Variants in GCSH observed in about 807,000 individuals in gnomAD.
GCSH encodes glycine cleavage system protein H.
GCSH carries 15 observed loss-of-function variants against 21.3 expected under a neutral mutation model. The ratio of observed to expected loss-of-function variants is 0.70; its 90% CI spans 0.47 to 1.08. The LOEUF is 1.08. Among genes scored for constraint, GCSH ranks in the 50% least tolerant of loss-of-function variants. The probability of loss-of-function intolerance (pLI) is 0.00; values close to 1 mark genes in which losing one functional copy is unlikely to be tolerated. For missense variants in GCSH, 179 were observed against 217.5 expected, an observed-to-expected ratio of 0.82 and a Z score of 1.11; for synonymous variants, 59 against 84.5, an observed-to-expected ratio of 0.70 and a Z score of 1.66.
At chr16:81,093,397 G>C (rs754954686) in intron 1 of GCSH, among the ~76,000 whole-genome samples, 3 of 152,140 alleles carry the variant, frequency 2.0e-5, no homozygotes, top group Non-Finnish European at 4.4e-5. Context: ...TAAGGCTGCT[G>C]TGACCCTCAT....
At chr16:81,095,615 C>G (rs1247391782) in intron 1 of GCSH, among the ~76,000 whole-genome samples, 1 of 9,394 alleles carries the variant, frequency 1.1e-4, no homozygotes, top group Non-Finnish European at 4.5e-4. Context: ...ATCTCCTGAC[C>G]TCGTGATCCG....
chr16:81,090,791 G>T, intron 1 of GCSH, 111 bp from the exon 2 acceptor site: 1 of 772,012 alleles, frequency 1.3e-6, no homozygotes, highest in South Asian at 1.4e-5. Context: ...TTGACCTGTT[G>T]ACACTACCTT....
At chr16:81,092,085 G>A (rs774823475) in intron 1 of GCSH, among the ~76,000 whole-genome samples, 1 of 152,100 alleles carries the variant, frequency 6.6e-6, no homozygotes, top group African/African-American at 2.4e-5. Context: ...GTTCAGGTAA[G>A]AAAGTTTAAG....
intron 2 of GCSH, 76 bp from the exon 3 acceptor site, chr16:81,087,740 C>T: frequency 1.1e-6 from 1 of 934,958 alleles, no homozygotes; most frequent in South Asian, 1.3e-5. Flanking sequence ...ATAAGCCAAA[C>T]ACTGAATCCC....
At chr16:81,095,540 G>A (rs1972487672) in intron 1 of GCSH, among the ~76,000 whole-genome samples, 1 of 151,800 alleles carries the variant, frequency 6.6e-6, no homozygotes, top group South Asian at 2.1e-4. Flanking sequence ...ATGCCGCCAC[G>A]CCTGGCTAAT....
rs529628929 is a variant in GCSH at position 81,093,183 on chromosome 16, C to G, written c.149-2503G>C. 2.0e-5 allele frequency among the ~76,000 whole-genome samples: 3 copies of G among 151,286 alleles called. No individual in the cohort carries two copies. In the South Asian group the frequency reaches 6.3e-4, roughly 32 times the overall value. The stretch of plus-strand genomic sequence containing the variant: ...TTTTTTAAAGTTTATTAAGAGGATT[C>G]TGAGGAAAATAGATAGTATATAGTT... On this transcript the variant is annotated intron_variant, in intron 1 of 4. Coordinates refer to ENST00000315467, the MANE Select transcript of GCSH (RefSeq NM_004483.5).
chr16:81,084,349 T>A (rs1376977591), intron 4 of GCSH, 114 bp downstream of exon 4: 1 of 819,582 alleles, frequency 1.2e-6, no homozygotes, highest in Admixed American at 1.9e-5. Context: ...CATCTCTATT[T>A]AGTACCAAGA....
rs78295348 is a variant in GCSH at position 81,095,377 on chromosome 16, A to AT, written c.148+753dup. ...AAAAAAATCTAGATCTGGCGCTTTA[A>AT]TTTTTTTTTTTTTTTTTTTTTTTGA... is the stretch of plus-strand genomic sequence containing the variant. On this transcript the variant is annotated intron_variant, in intron 1 of 4. Coordinates refer to ENST00000315467, the MANE Select transcript of GCSH (RefSeq NM_004483.5). 3.6e-3 allele frequency among the ~76,000 whole-genome samples: 525 copies of AT among 146,188 alleles called. 2 individuals are homozygous for AT. Among genetic ancestry groups the AT allele is most frequent in the African/African-American group, 0.013 (492 of 38,094 alleles).
At chr16:81,094,602 G>A (rs185910352) in intron 1 of GCSH, among the ~76,000 whole-genome samples, 1 of 152,186 alleles carries the variant, frequency 6.6e-6, no homozygotes, top group Admixed American at 6.6e-5. Flanking sequence ...AGTGATGTAG[G>A]GATCCCTATC....
chr16:81,096,372 G>T lies in GCSH; in HGVS notation c.-94C>A. On this transcript the variant is annotated 5_prime_UTR_variant, in exon 1 of 5. Coordinates refer to ENST00000315467, the MANE Select transcript of GCSH (RefSeq NM_004483.5). ...GGCAGTTCGCGGCCGGAGGGAGCCG[G>T]CTGGATGGAGGCGCGGAGGCGGTGC... 1 of 1,070,722 alleles carries T rather than the reference G, an allele frequency of 9.3e-7. No individual in the cohort carries two copies. The highest frequency in any genetic ancestry group is 1.2e-6 in the Non-Finnish European group (1 of 809,950). The allele number at this position is 1,070,722 out of a possible 1,614,324, so 66.3% of individuals were successfully genotyped here.
intron 2 of GCSH, 68 bp from the exon 3 acceptor site, chr16:81,087,732 A>G (rs941216078): frequency 3.2e-5 from 33 of 1,032,734 alleles, no homozygotes; most frequent in Non-Finnish European, 4.9e-5. Flanking sequence ...TAAACAGAAT[A>G]AGCCAAACAC....
At chr16:81,093,154 G>A (rs1421507248) in intron 1 of GCSH, among the ~76,000 whole-genome samples, 2 of 151,570 alleles carry the variant, frequency 1.3e-5, no homozygotes, top group South Asian at 2.1e-4. Context: ...GCAGAATGAC[G>A]TGATTTTTTA....
rs1424125620 is a variant in GCSH at position 81,082,475 on chromosome 16, T to C, written c.*391A>G. The C allele has an allele frequency of 2.6e-6, 1 of 388,842 alleles. No homozygotes were observed. The highest frequency in any genetic ancestry group is 1.9e-5 in the South Asian group (1 of 53,708). The allele number at this position is 388,842 out of a possible 1,614,324, so 24.1% of individuals were successfully genotyped here. A position where few individuals can be genotyped will look rare whatever the true frequency, so the allele number is the denominator to read the frequency against. On this transcript the variant is annotated 3_prime_UTR_variant, in exon 5 of 5. Transcript: ENST00000315467. Reference sequence around the variant, plus strand: ...ACAAAACCTCTTCACTTCCAGTTATTTCCAATGGAAAGATCATTAAGTATT... The same window carrying C: ...ACAAAACCTCTTCACTTCCAGTTATCTCCAATGGAAAGATCATTAAGTATT...
rs1256903991 is a variant in GCSH, at chr16:81,081,980, T to C, written c.*886A>G. 2.2e-6 allele frequency: 1 copy of C among 452,516 alleles called. No individual in the cohort carries two copies. Among genetic ancestry groups the C allele is most frequent in the Non-Finnish European group, 4.4e-6 (1 of 225,738 alleles). 28.0% of individuals were successfully genotyped at this position (452,516 alleles called of 1,614,324 possible). On this transcript the variant is annotated 3_prime_UTR_variant, in exon 5 of 5. Coordinates refer to ENST00000315467, the MANE Select transcript of GCSH (RefSeq NM_004483.5). Reference sequence around the variant, plus strand: ...TAAAGCTTCAGTCCTTGTCCACTTTTATTCCCATGACTTAAGTGGAAACCT... The same window carrying C: ...TAAAGCTTCAGTCCTTGTCCACTTTCATTCCCATGACTTAAGTGGAAACCT...
intron 1 of GCSH, among the ~76,000 whole-genome samples, chr16:81,095,101 GAAAAA>G (rs56957840): frequency 6.9e-6 from 1 of 144,818 alleles, no homozygotes; most frequent in African/African-American, 2.6e-5. Context: ...TCAATAAAAA[GAAAAA>G]AAAAAAAAAA....
intron 1 of GCSH, among the ~76,000 whole-genome samples, chr16:81,095,482 A>C (rs890076654): frequency 1.5e-4 from 23 of 150,754 alleles, no homozygotes; most frequent in African/African-American, 5.6e-4. Context: ...TCCCAGGTTC[A>C]AGCGATTCTC....
At chr16:81,094,996 G>A (rs1354664385) in intron 1 of GCSH, among the ~76,000 whole-genome samples, 1 of 152,064 alleles carries the variant, frequency 6.6e-6, no homozygotes, top group East Asian at 2.0e-4. Context: ...GGGAGGCTGA[G>A]GCAAGAGAAT....
chr16:81,090,481 C>T, intron 2 of GCSH, 120 bp downstream of exon 2: 1 of 749,834 alleles, frequency 1.3e-6, no homozygotes, highest in Non-Finnish European at 2.4e-6. Flanking sequence ...CTCAGCCTCC[C>T]AAAGTGTTGG....
chr16:81,087,458 AC>A (rs1312728834), intron 3 of GCSH, 142 bp downstream of exon 3: 1 of 697,954 alleles, frequency 1.4e-6, no homozygotes, highest in Non-Finnish European at 2.6e-6. Context: ...AGATGGTGCC[AC>A]TGCACTCCAG....
Sources: allele counts gnomAD v4.1 joint callset (sites outside exome capture counted in the v4.1 genomes callset), GRCh38; gene constraint gnomAD v4.1.1; transcripts MANE v1.5; gene names NCBI Gene and HGNC (gene_info 2026-07-23, HGNC 2026-07-21).